Variants in SCEL observed in about 807,000 individuals in gnomAD.
The protein encoded by SCEL is sciellin.
A neutral mutation model predicts 117.6 loss-of-function variants in SCEL; 113 were observed. That is an observed-to-expected ratio of 0.96 (90% CI 0.83 to 1.12). SCEL has a LOEUF of 1.12. Ranked by LOEUF, SCEL falls within the 50% of genes most tolerant of loss-of-function variation. SCEL has a pLI of 0.00. For missense variants in SCEL, 785 were observed against 810.8 expected, an observed-to-expected ratio of 0.97 and a Z score of 0.39; for synonymous variants, 270 against 256.2, an observed-to-expected ratio of 1.05 and a Z score of -0.51.
chr13:77,605,269 G>A (rs1478127557), intron 19 of SCEL, among the ~76,000 whole-genome samples: 1 of 152,200 alleles, frequency 6.6e-6, no homozygotes, highest in Non-Finnish European at 1.5e-5. Context: ...GGAGGGCAAA[G>A]GCTCAGTTAG....
At chr13:77,550,844 C>T (rs1179889399) in intron 1 of SCEL, among the ~76,000 whole-genome samples, 1 of 152,138 alleles carries the variant, frequency 6.6e-6, no homozygotes, top group African/African-American at 2.4e-5. Flanking sequence ...TTTGTGTGGA[C>T]ATGTTTTTAA....
intron 8 of SCEL, among the ~76,000 whole-genome samples, chr13:77,570,624 T>C (rs953805836): frequency 6.6e-6 from 1 of 152,182 alleles, no homozygotes; most frequent in African/African-American, 2.4e-5. Context: ...AATCCAGCTT[T>C]CCTGTCTGCC....
intron 27 of SCEL, among the ~76,000 whole-genome samples, chr13:77,624,011 T>A (rs189392867): frequency 6.6e-6 from 1 of 152,168 alleles, no homozygotes; most frequent in East Asian, 1.9e-4. Context: ...GCAGGGTTGG[T>A]TCCTTCCACG....
intron 1 of SCEL, among the ~76,000 whole-genome samples, chr13:77,546,683 CA>C (rs555752724): frequency 0.088 from 10,944 of 124,602 alleles, 508 homozygotes; most frequent in South Asian, 0.17. Flanking sequence ...ACAACAACAA[CA>C]AAAAAAAAAA....
intron 22 of SCEL, among the ~76,000 whole-genome samples, chr13:77,611,776 G>A (rs1200396345): frequency 2.0e-5 from 3 of 152,268 alleles, no homozygotes; most frequent in South Asian, 2.1e-4. Flanking sequence ...GTAAAATCAG[G>A]ATTGTAAGAG....
chr13:77,585,008 T>C (rs1016814423), intron 9 of SCEL, among the ~76,000 whole-genome samples: 1 of 152,242 alleles, frequency 6.6e-6, no homozygotes, highest in African/African-American at 2.4e-5. Context: ...GTAGGTGTTC[T>C]GTAATGGGAT....
Position 77,572,138 on chromosome 13 carries a change from C to T in SCEL, c.494C>T (p.Pro165Leu), listed in dbSNP as rs143304315. 1.4e-4 allele frequency: 231 copies of T among 1,612,620 alleles called. 2 individuals are homozygous for T. The East Asian group carries it at 3.0e-3, about 21-fold the overall frequency. Reference protein sequence around the residue: ...PVKKKRQSWFPPPPPGYNASS... With the variant: ...PVKKKRQSWFLPPPPGYNASS... ...TTTCTTAACAGGCAGTCCTGGTTTC[C>T]ACCGCCCCCTCCAGGTTACAATGCC... Residue 165 changes from proline to leucine, a missense_variant, in exon 9 of 33, where the codon CCA becomes CTA. Transcript: ENST00000349847.
At chr13:77,604,194 C>G in intron 18 of SCEL, 162 bp from the exon 19 acceptor site, 1 of 473,196 alleles carries the variant, frequency 2.1e-6, no homozygotes. Flanking sequence ...GTCTTCAGCT[C>G]AAGTTGTAAG....
chr13:77,591,240 G>A (rs993352493), intron 10 of SCEL, among the ~76,000 whole-genome samples, 155 bp from the exon 11 acceptor site: 7 of 152,022 alleles, frequency 4.6e-5, no homozygotes, highest in African/African-American at 1.2e-4. Flanking sequence ...TGGAGTTCCC[G>A]CCAACCCAAA....
chr13:77,603,130 C>A lies in SCEL; in HGVS notation c.1092C>A (p.Thr364=). 6.5e-7 allele frequency: 1 copy of A among 1,535,220 alleles called. No individual in the cohort carries two copies. Residue 364 remains threonine, a synonymous_variant, in exon 18 of 33, where the codon ACC becomes ACA. Coordinates refer to ENST00000349847, the MANE Select transcript of SCEL (RefSeq NM_144777.3). ...TEVNPKGHEN[T]TGKKDLDGLI... Reference sequence around the variant, plus strand: ...TAAATCCCAAAGGACATGAAAATACCACTGGGTAAAAATAATTAATGTCTT... The same window carrying A: ...TAAATCCCAAAGGACATGAAAATACAACTGGGTAAAAATAATTAATGTCTT...
intron 29 of SCEL, 35 bp from the exon 30 acceptor site, chr13:77,637,085 C>T: frequency 9.2e-7 from 1 of 1,089,494 alleles, no homozygotes; most frequent in South Asian, 1.4e-5. Flanking sequence ...AGGAAAATCA[C>T]CTGATTCTCA....
intron 31 of SCEL, among the ~76,000 whole-genome samples, chr13:77,642,448 A>G (rs1312490053): frequency 6.6e-6 from 1 of 152,148 alleles, no homozygotes; most frequent in Non-Finnish European, 1.5e-5. Context: ...CAGCATAACT[A>G]GCTCTCCCTT....
At chr13:77,572,585 G>C (rs1347284910) in intron 9 of SCEL, among the ~76,000 whole-genome samples, 1 of 152,112 alleles carries the variant, frequency 6.6e-6, no homozygotes, top group South Asian at 2.1e-4. Context: ...AGGACTGTTA[G>C]GGCTCCCCTA....
In SCEL at chr13:77,608,579, G is replaced by A. The variant is rs557374372; in HGVS notation, c.1217+464G>A. ...CCAGCCACTGCACTCCAGCCTGGAC[G>A]ACAGAGCCAAACACCATGCCAAAAT... On this transcript the variant is annotated intron_variant, in intron 20 of 32. Coordinates refer to ENST00000349847, the MANE Select transcript of SCEL (RefSeq NM_144777.3). Among the ~76,000 whole-genome samples, 77 of 152,256 alleles carry A rather than the reference G, an allele frequency of 5.1e-4. No homozygotes were observed. In the South Asian group the frequency reaches 0.012, roughly 24 times the overall value.
At position 77,613,905 on chromosome 13, in the gene SCEL, T is replaced by C. The variant is rs2088847382; in HGVS notation, c.1401T>C (p.Gly467=). ...IPSANKSSEQ[G]LDEHINVSPK... ...AATTTTGTTTTAGCAGTGAACAAGG[T>C]CTTGATGAACATATTAATGTCAGCC... Residue 467 remains glycine (G), a synonymous_variant, in exon 24 of 33, where the codon GGT becomes GGC. Coordinates refer to ENST00000349847, the MANE Select transcript of SCEL (RefSeq NM_144777.3). 1.2e-6 allele frequency: 2 copies of C among 1,613,436 alleles called. No individual in the cohort carries two copies. Among genetic ancestry groups the C allele is most frequent in the South Asian group, 2.2e-5 (2 of 91,010 alleles).
intron 5 of SCEL, among the ~76,000 whole-genome samples, chr13:77,564,630 T>C (rs2085183809): frequency 6.6e-6 from 1 of 152,182 alleles, no homozygotes; most frequent in Non-Finnish European, 1.5e-5. Context: ...TCCTATTAAA[T>C]AGGCACCATA....
chr13:77,580,282 C>G (rs1211430094), intron 9 of SCEL, among the ~76,000 whole-genome samples: 1 of 152,208 alleles, frequency 6.6e-6, no homozygotes, highest in South Asian at 2.1e-4. Context: ...GTTTTATGAT[C>G]TGCCCGAAAG....
rs200684609 is a variant in SCEL at position 77,597,528 on chromosome 13, T to A, written c.753-17T>A. On this transcript the variant is annotated splice_polypyrimidine_tract_variant and intron_variant, in intron 12 of 32. Coordinates refer to ENST00000349847, the MANE Select transcript of SCEL (RefSeq NM_144777.3). ...AAGCTTTTTACTAATGTTAAACATT[T>A]TTTTCTCTTCCCAAAGTGAAGAATT... 5.1e-5 allele frequency: 75 copies of A among 1,462,650 alleles called. No homozygotes were observed. Among genetic ancestry groups the A allele is most frequent in the Middle Eastern group, 2.1e-4 (1 of 4,854 alleles). The allele number at this position is 1,462,650 out of a possible 1,614,324, so 90.6% of individuals were successfully genotyped here.
intron 29 of SCEL, among the ~76,000 whole-genome samples, chr13:77,635,611 G>A (rs1184231296): frequency 6.6e-6 from 1 of 152,074 alleles, no homozygotes; most frequent in Non-Finnish European, 1.5e-5. Flanking sequence ...TTTAAGAATA[G>A]GAATATTCTG....
Sources: gnomAD v4.1 joint callset for allele counts (sites outside exome capture counted in the v4.1 genomes callset) on GRCh38, gnomAD v4.1.1 for gene constraint, MANE v1.5 for transcripts, NCBI Gene and HGNC (gene_info 2026-07-23, HGNC 2026-07-21) for gene names.